The following PHF21A variants were observed in gnomAD, a reference collection of about 807,000 sequenced individuals.
PHF21A encodes the protein PHD finger protein 21A.
Under a neutral mutation model 82.5 loss-of-function variants are expected in PHF21A, and 11 were observed. The observed-to-expected ratio is 0.13, with a 90% CI of 0.08 to 0.22. The LOEUF (loss-of-function observed/expected upper bound fraction) is 0.22, where lower values mean the gene tolerates loss of function less well. PHF21A is among the 10% of genes least tolerant of loss of function. The pLI is 1.00. For missense variants in PHF21A, 579 were observed against 837.8 expected, an observed-to-expected ratio of 0.69 and a Z score of 3.81; for synonymous variants, 297 against 302.8, an observed-to-expected ratio of 0.98 and a Z score of 0.20.
At chr11:46,088,522 C>T (rs2096883351) in intron 3 of PHF21A, among the ~76,000 whole-genome samples, 1 of 152,118 alleles carries the variant, frequency 6.6e-6, no homozygotes, top group Admixed American at 6.5e-5. Context: ...ATCTGGAAAG[C>T]ACATTCACCA....
chr11:46,075,255 C>A (rs2096711770), intron 6 of PHF21A, among the ~76,000 whole-genome samples: 1 of 152,104 alleles, frequency 6.6e-6, no homozygotes, highest in South Asian at 2.1e-4. Context: ...TGTAAATTTC[C>A]AAAAATTGTC....
intron 1 of PHF21A, among the ~76,000 whole-genome samples, chr11:46,117,493 T>C (rs1429779347): frequency 6.6e-6 from 1 of 152,206 alleles, no homozygotes; most frequent in African/African-American, 2.4e-5. Flanking sequence ...ACATCAACCA[T>C]ATGTATTTAT....
At chr11:46,073,032 T>C (rs139020268) in intron 6 of PHF21A, among the ~76,000 whole-genome samples, 260 of 152,098 alleles carry the variant, frequency 1.7e-3, no homozygotes, top group African/African-American at 5.9e-3. Context: ...GTTAAATAAA[T>C]TAATAGTTGC....
At chr11:46,108,350 A>C (rs1280399092) in intron 1 of PHF21A, among the ~76,000 whole-genome samples, 1 of 152,024 alleles carries the variant, frequency 6.6e-6, no homozygotes, top group Admixed American at 6.6e-5. Context: ...AATAACAATG[A>C]CCATTTCCTA....
chr11:46,091,882 G>A (rs1021113499), intron 2 of PHF21A, among the ~76,000 whole-genome samples: 14 of 152,104 alleles, frequency 9.2e-5, no homozygotes, highest in African/African-American at 3.4e-4. Flanking sequence ...ATTTCTTGAC[G>A]TTTGAATTCT....
intron 15 of PHF21A, among the ~76,000 whole-genome samples, chr11:45,939,595 A>C (rs1590952645): frequency 6.6e-6 from 1 of 151,900 alleles, no homozygotes. Flanking sequence ...CCCTATAAAA[A>C]CTTCACCAGC....
At chr11:45,941,718 A>G (rs2090377120) in intron 15 of PHF21A, among the ~76,000 whole-genome samples, 1 of 152,216 alleles carries the variant, frequency 6.6e-6, no homozygotes, top group South Asian at 2.1e-4. Flanking sequence ...GGCTTTGATG[A>G]CTGACCAAAT....
intron 17 of PHF21A, among the ~76,000 whole-genome samples, chr11:45,936,055 A>G (rs1301588044): frequency 6.6e-6 from 1 of 152,160 alleles, no homozygotes; most frequent in African/African-American, 2.4e-5. Context: ...AGGCAGGTGA[A>G]TCACTTGAGC....
chr11:45,941,741 C>G (rs988336307), intron 15 of PHF21A, among the ~76,000 whole-genome samples: 1 of 152,140 alleles, frequency 6.6e-6, no homozygotes, highest in Non-Finnish European at 1.5e-5. Flanking sequence ...TTACTATAAA[C>G]CAGACGGTAG....
At chr11:45,938,012 G>A (rs1051039530) in intron 16 of PHF21A, 145 bp downstream of exon 16, 7 of 611,272 alleles carry the variant, frequency 1.1e-5, no homozygotes, top group South Asian at 2.9e-5. Context: ...ATGCGCCTGC[G>A]TGCTGTGTCA....
intron 3 of PHF21A, among the ~76,000 whole-genome samples, chr11:46,088,698 T>C (rs2096885262): frequency 6.6e-6 from 1 of 152,230 alleles, no homozygotes. Flanking sequence ...AAAAGCCCTT[T>C]GCAAACTGTA....
At chr11:46,079,348 A>G (rs1281246479) in intron 4 of PHF21A, among the ~76,000 whole-genome samples, 182 bp from the exon 5 acceptor site, 1 of 152,190 alleles carries the variant, frequency 6.6e-6, no homozygotes, top group Non-Finnish European at 1.5e-5. Flanking sequence ...TTCCTTTAAT[A>G]AAAAAATCAA....
At chr11:46,010,052 T>A (rs1486924993) in intron 6 of PHF21A, among the ~76,000 whole-genome samples, 1 of 152,222 alleles carries the variant, frequency 6.6e-6, no homozygotes, top group African/African-American at 2.4e-5. Context: ...GAACATTCAT[T>A]TAGTTGCTTA....
At chr11:45,953,421 G>T in intron 11 of PHF21A, 106 bp downstream of exon 11, 3 of 722,506 alleles carry the variant, frequency 4.2e-6, no homozygotes, top group South Asian at 3.1e-5. Flanking sequence ...ATAAGAAAAT[G>T]AACATCGAGT....
chr11:45,985,628 T>C (rs1378314194), intron 6 of PHF21A, among the ~76,000 whole-genome samples: 1 of 152,212 alleles, frequency 6.6e-6, no homozygotes, highest in African/African-American at 2.4e-5. Context: ...CTAAAATAAT[T>C]GCACTTTCTT....
chr11:46,008,633 T>C (rs969721465), intron 6 of PHF21A, among the ~76,000 whole-genome samples: 11 of 152,298 alleles, frequency 7.2e-5, no homozygotes, highest in African/African-American at 2.6e-4. Context: ...GTTTTGTGTA[T>C]GAAAACCTGG....
At position 46,059,845 on chromosome 11, in the gene PHF21A, G is replaced by A. The variant is rs1185666317; in HGVS notation, c.153+16909C>T. The stretch of plus-strand genomic sequence containing the variant: ...AGATTCAAGCAATTCTCCTGCCTCA[G>A]CCTCCCAAGTAGCTGGGATTACAGG... On this transcript the variant is annotated intron_variant, in intron 6 of 18. Coordinates refer to ENST00000676320, the MANE Select transcript of PHF21A (RefSeq NM_001352027.3). 2.6e-5 allele frequency among the ~76,000 whole-genome samples: 4 copies of A among 152,140 alleles called. 1 individual carries two copies. In the South Asian group the frequency reaches 6.2e-4, roughly 24 times the overall value.
rs77023116 is a variant in PHF21A at position 45,953,645 on chromosome 11, T to C, written c.997-20A>G. 746 of 1,534,188 alleles carry C rather than the reference T, an allele frequency of 4.9e-4. 1 individual carries two copies. In the African/African-American group the frequency reaches 9.0e-3, roughly 19 times the overall value. Reference sequence around the variant, plus strand: ...AACTGTCTAGGAGAGAAAAATTAAATAAAAATTCAGAATTCGTTTTTTATT... The same window carrying C: ...AACTGTCTAGGAGAGAAAAATTAAACAAAAATTCAGAATTCGTTTTTTATT... On this transcript the variant is annotated intron_variant, in intron 10 of 18. Coordinates refer to ENST00000676320, the MANE Select transcript of PHF21A (RefSeq NM_001352027.3).
chr11:46,000,875 G>A (rs532271903), intron 6 of PHF21A, among the ~76,000 whole-genome samples: 56 of 151,824 alleles, frequency 3.7e-4, no homozygotes, highest in East Asian at 9.7e-4. Flanking sequence ...AGCCAAGATC[G>A]CACCATTGCA....
Sources: allele counts gnomAD v4.1 joint callset (sites outside exome capture counted in the v4.1 genomes callset), GRCh38; gene constraint gnomAD v4.1.1; transcripts MANE v1.5; gene names NCBI Gene and HGNC (gene_info 2026-07-23, HGNC 2026-07-21).